The following CNTN3 variants were observed in gnomAD, a reference collection of about 807,000 sequenced individuals.
CNTN3 encodes contactin 3.
A neutral mutation model predicts 119.1 loss-of-function variants in CNTN3; 60 were observed. The observed-to-expected ratio is 0.50, with a 90% CI of 0.41 to 0.62. CNTN3 has a LOEUF of 0.62. Among genes scored for constraint, CNTN3 ranks in the 20% least tolerant of loss-of-function variants. The probability of loss-of-function intolerance (pLI) is 0.00; values close to 1 mark genes in which losing one functional copy is unlikely to be tolerated. For missense variants in CNTN3, 1,101 were observed against 1,242.4 expected, an observed-to-expected ratio of 0.89 and a Z score of 1.71; for synonymous variants, 450 against 438.7, an observed-to-expected ratio of 1.03 and a Z score of -0.32.
chr3:74,557,493 G>T (rs1559657062), intron 1 of CNTN3, among the ~76,000 whole-genome samples: 1 of 152,130 alleles, frequency 6.6e-6, no homozygotes, highest in Non-Finnish European at 1.5e-5. Flanking sequence ...ATAGTGCTGT[G>T]TCTTCAACAG....
intron 1 of CNTN3, among the ~76,000 whole-genome samples, chr3:74,606,599 C>T (rs1476256469): frequency 2.0e-5 from 3 of 151,664 alleles, no homozygotes; most frequent in Non-Finnish European, 4.4e-5. Flanking sequence ...CAGAAAAATG[C>T]CCTAACTCTG....
At chr3:74,334,517 A>G (rs1185348587) in intron 13 of CNTN3, among the ~76,000 whole-genome samples, 2 of 152,260 alleles carry the variant, frequency 1.3e-5, no homozygotes, top group Non-Finnish European at 2.9e-5. Flanking sequence ...TACAACATCC[A>G]TCAATTGTAA....
At chr3:74,507,610 TTTTC>T (rs1311515994) in intron 2 of CNTN3, among the ~76,000 whole-genome samples, 17 of 146,798 alleles carry the variant, frequency 1.2e-4, no homozygotes, top group Non-Finnish European at 1.5e-4. Flanking sequence ...TTTCTTTTTC[TTTTC>T]TTTCTTTCTT....
chr3:74,467,445 T>A (rs942143039), intron 4 of CNTN3, among the ~76,000 whole-genome samples: 1 of 152,108 alleles, frequency 6.6e-6, no homozygotes, highest in African/African-American at 2.4e-5. Flanking sequence ...AAAGACATTT[T>A]CCAACATTTG....
intron 13 of CNTN3, among the ~76,000 whole-genome samples, chr3:74,315,043 C>T (rs1702794993): frequency 6.6e-6 from 1 of 152,176 alleles, no homozygotes; most frequent in African/African-American, 2.4e-5. Flanking sequence ...CTATCAAAAT[C>T]AAGATGCCAA....
At chr3:74,426,363 A>G (rs1321639567) in intron 4 of CNTN3, among the ~76,000 whole-genome samples, 2 of 152,194 alleles carry the variant, frequency 1.3e-5, no homozygotes, top group East Asian at 1.9e-4. Context: ...GTCTATACAC[A>G]GTGAAGCAGT....
intron 20 of CNTN3, among the ~76,000 whole-genome samples, chr3:74,276,076 T>C (rs551092457): frequency 6.6e-6 from 1 of 152,190 alleles, no homozygotes; most frequent in African/African-American, 2.4e-5. Flanking sequence ...TAAAAGGCCT[T>C]GTCCAACAGG....
At chr3:74,376,316 G>A (rs1704474647) in intron 5 of CNTN3, among the ~76,000 whole-genome samples, 1 of 152,156 alleles carries the variant, frequency 6.6e-6, no homozygotes, top group East Asian at 1.9e-4. Context: ...CAGGAGGTGA[G>A]CAGTGAGCAA....
intron 4 of CNTN3, among the ~76,000 whole-genome samples, chr3:74,481,517 G>C (rs183108362): frequency 2.6e-5 from 4 of 151,800 alleles, no homozygotes; most frequent in Non-Finnish European, 5.9e-5. Flanking sequence ...ACAAATCAAA[G>C]AAAATCATAA....
chr3:74,500,532 T>C (rs1247855610), intron 2 of CNTN3, among the ~76,000 whole-genome samples: 2 of 149,188 alleles, frequency 1.3e-5, no homozygotes, highest in African/African-American at 2.5e-5. Flanking sequence ...AGCTCTTTAC[T>C]TTCCTATTTT....
Position 74,424,474 on chromosome 3 carries a change from C to CAGAGAGAGAGAGAGAGAG in CNTN3, c.454+353_454+370dup, listed in dbSNP as rs71625974. Among the ~76,000 whole-genome samples the CAGAGAGAGAGAGAGAGAG allele has an allele frequency of 3.7e-4, 53 of 142,492 alleles. 1 individual carries two copies. The highest frequency in any genetic ancestry group is 1.1e-3 in the African/African-American group (42 of 39,134). 93.5% of individuals were successfully genotyped at this position (142,492 alleles called of 152,430 possible). ...TAAGCTTGTGTGTGTGTGTGTGTGA[C>CAGAGAGAGAGAGAGAGAG]AGAGAGAGAGAGAGAGAGAGAGAAA... is the stretch of plus-strand genomic sequence containing the variant. On this transcript the variant is annotated intron_variant, in intron 5 of 22. Coordinates refer to ENST00000263665, the MANE Select transcript of CNTN3 (RefSeq NM_020872.3).
chr3:74,428,689 C>T (rs546922132), intron 4 of CNTN3, among the ~76,000 whole-genome samples: 4 of 152,172 alleles, frequency 2.6e-5, no homozygotes, highest in South Asian at 2.1e-4. Context: ...TTCAGTGTAG[C>T]CTAAGTGTAC....
intron 11 of CNTN3, among the ~76,000 whole-genome samples, chr3:74,350,934 A>G (rs1455570751): frequency 6.6e-6 from 1 of 152,142 alleles, no homozygotes; most frequent in Admixed American, 6.5e-5. Flanking sequence ...AGCGGGGAGG[A>G]AAGCAGGGAG....
intron 2 of CNTN3, among the ~76,000 whole-genome samples, chr3:74,519,082 G>A (rs1156368484): frequency 6.6e-6 from 1 of 151,694 alleles, no homozygotes; most frequent in African/African-American, 2.4e-5. Flanking sequence ...TATTTATATG[G>A]ACATAGGCCT....
intron 13 of CNTN3, among the ~76,000 whole-genome samples, chr3:74,326,375 C>A (rs1195162620): frequency 1.3e-5 from 2 of 151,904 alleles, no homozygotes; most frequent in Non-Finnish European, 2.9e-5. Context: ...TTATGCATTA[C>A]AGTGTAATAT....
chr3:74,498,566 GATT>G (rs1703105411), intron 3 of CNTN3, among the ~76,000 whole-genome samples: 1 of 151,696 alleles, frequency 6.6e-6, no homozygotes, highest in South Asian at 2.1e-4. Flanking sequence ...GACTGATCTT[GATT>G]ACTTCCAGAT....
At chr3:74,269,051 AAAAAAAAAAC>A (rs1701716577) in intron 20 of CNTN3, among the ~76,000 whole-genome samples, 1 of 141,560 alleles carries the variant, frequency 7.1e-6, no homozygotes, top group African/African-American at 3.1e-5. Context: ...ACAAAAAGAA[AAAAAAAAAAC>A]AAAAAAAAAG....
At chr3:74,303,807 G>C (rs568141500) in intron 13 of CNTN3, among the ~76,000 whole-genome samples, 1 of 152,112 alleles carries the variant, frequency 6.6e-6, no homozygotes, top group Admixed American at 6.6e-5. Context: ...ATGTTAAATG[G>C]ACCTCATTTT....
chr3:74,339,000 A>G (rs1703464841), intron 11 of CNTN3, among the ~76,000 whole-genome samples: 1 of 152,164 alleles, frequency 6.6e-6, no homozygotes, highest in Non-Finnish European at 1.5e-5. Flanking sequence ...AGATAATCAA[A>G]TAACTTAAAA....
Sources: allele counts gnomAD v4.1 joint callset (sites outside exome capture counted in the v4.1 genomes callset), GRCh38; gene constraint gnomAD v4.1.1; transcripts MANE v1.5; gene names NCBI Gene and HGNC (gene_info 2026-07-23, HGNC 2026-07-21).